STAG1: variants seen among roughly 807,000 people sequenced by gnomAD.
STAG1 encodes the protein STAG1 cohesin complex component.
STAG1 carries 26 observed loss-of-function variants against 170.9 expected under a neutral mutation model. That is an observed-to-expected ratio of 0.15 (90% confidence interval 0.11 to 0.21). STAG1 has a LOEUF of 0.21. Ranked by LOEUF, STAG1 falls within the 10% of genes least tolerant of loss-of-function variation. The probability of loss-of-function intolerance (pLI) is 1.00; values close to 1 mark genes in which losing one functional copy is unlikely to be tolerated. For synonymous variants in STAG1, 514 were observed against 497.7 expected, an observed-to-expected ratio of 1.03 and a Z score of -0.44; for missense variants, 964 against 1,509.5, an observed-to-expected ratio of 0.64 and a Z score of 5.99.
chr3:136,468,333 C>A (rs774691924), intron 12 of STAG1, among the ~76,000 whole-genome samples: 3 of 152,058 alleles, frequency 2.0e-5, no homozygotes, highest in African/African-American at 4.8e-5. Flanking sequence ...ATATCACCAC[C>A]GATCCCACAG....
intron 5 of STAG1, among the ~76,000 whole-genome samples, chr3:136,559,288 T>C (rs193226114): frequency 4.6e-5 from 7 of 152,210 alleles, no homozygotes; most frequent in Admixed American, 2.0e-4. Context: ...CAGATGCAGA[T>C]ACTAAAACAA....
intron 7 of STAG1, among the ~76,000 whole-genome samples, chr3:136,509,500 C>T (rs181511993): frequency 9.9e-5 from 15 of 151,116 alleles, no homozygotes; most frequent in African/African-American, 2.9e-4. Context: ...GGTTTTCCTA[C>T]GGAATATGAA....
chr3:136,646,739 C>A lies in STAG1; in HGVS notation c.-83-15758G>T, dbSNP rs1004464643. Among the ~76,000 whole-genome samples the A allele has an allele frequency of 2.0e-5, 3 of 152,118 alleles. No individual in the cohort carries two copies. The South Asian group carries it at 6.2e-4, about 32-fold the overall frequency. On this transcript the variant is annotated intron_variant, in intron 1 of 33. Transcript: ENST00000383202. ...TGGCCAACATGGTGAAACTCCGTCT[C>A]CAGTAAAAATACAAAAAGTAGCTGG...
intron 26 of STAG1, 42 bp from the exon 27 acceptor site, chr3:136,359,338 A>T: frequency 7.0e-7 from 1 of 1,423,178 alleles, no homozygotes; most frequent in East Asian, 2.4e-5. Flanking sequence ...ATAGCTCAGA[A>T]TTTTAAACAG....
At chr3:136,747,661 C>CAG (rs927845809) in intron 1 of STAG1, among the ~76,000 whole-genome samples, 1 of 152,044 alleles carries the variant, frequency 6.6e-6, no homozygotes. Context: ...GCCTGAGTGA[C>CAG]AGAGAGAGAC....
intron 23 of STAG1, among the ~76,000 whole-genome samples, chr3:136,373,194 AT>A (rs1937440131): frequency 6.6e-6 from 1 of 152,092 alleles, no homozygotes; most frequent in Non-Finnish European, 1.5e-5. Flanking sequence ...CGGTGGTGAT[AT>A]CCCCTTTGTC....
chr3:136,599,795 C>T (rs906389860), intron 4 of STAG1, among the ~76,000 whole-genome samples: 4 of 152,142 alleles, frequency 2.6e-5, no homozygotes, highest in Admixed American at 6.5e-5. Flanking sequence ...TTTCAATTTT[C>T]GAGACTGCTC....
intron 32 of STAG1, among the ~76,000 whole-genome samples, chr3:136,338,837 G>A (rs73863611): frequency 6.6e-6 from 1 of 152,130 alleles, no homozygotes; most frequent in Non-Finnish European, 1.5e-5. Flanking sequence ...GAAAGTTATT[G>A]GAAGGTGGGG....
intron 6 of STAG1, among the ~76,000 whole-genome samples, chr3:136,532,700 T>C (rs1935438089): frequency 6.6e-6 from 1 of 152,172 alleles, no homozygotes; most frequent in South Asian, 2.1e-4. Context: ...AGAAAAAGCA[T>C]TTGGTAAAAT....
intron 4 of STAG1, among the ~76,000 whole-genome samples, chr3:136,602,756 C>T (rs1938733219): frequency 6.6e-6 from 1 of 152,086 alleles, no homozygotes; most frequent in Admixed American, 6.6e-5. Context: ...GAGGCTGAGG[C>T]ACAAGAATCC....
chr3:136,628,805 C>T (rs959979129), intron 2 of STAG1, among the ~76,000 whole-genome samples: 1 of 152,078 alleles, frequency 6.6e-6, no homozygotes, highest in Non-Finnish European at 1.5e-5. Flanking sequence ...GTAGGCTTCC[C>T]GGAATATAAA....
intron 1 of STAG1, among the ~76,000 whole-genome samples, chr3:136,670,451 T>G (rs1262191068): frequency 6.6e-6 from 1 of 152,142 alleles, no homozygotes; most frequent in East Asian, 1.9e-4. Flanking sequence ...AAACTAGTAT[T>G]TTTCATTTTG....
At chr3:136,569,435 G>GA (rs955719461) in intron 4 of STAG1, among the ~76,000 whole-genome samples, 3 of 150,718 alleles carry the variant, frequency 2.0e-5, no homozygotes, top group African/African-American at 7.3e-5. Context: ...AACTTTCTAG[G>GA]AAAATTAGGG....
chr3:136,554,712 T>C (rs918813170), intron 5 of STAG1, among the ~76,000 whole-genome samples: 35 of 152,066 alleles, frequency 2.3e-4, no homozygotes, highest in African/African-American at 6.3e-4. Flanking sequence ...CAGGGCAACA[T>C]AGCAACCTTG....
At chr3:136,556,629 C>G (rs775510489) in intron 5 of STAG1, among the ~76,000 whole-genome samples, 2 of 151,844 alleles carry the variant, frequency 1.3e-5, no homozygotes, top group South Asian at 2.1e-4. Context: ...GTCACTCAGG[C>G]AGGAGTACAA....
At chr3:136,345,225 G>C (rs2108263216) in intron 29 of STAG1, among the ~76,000 whole-genome samples, 1 of 152,208 alleles carries the variant, frequency 6.6e-6, no homozygotes, top group South Asian at 2.1e-4. Flanking sequence ...AAGTAGCTGG[G>C]ATTACAGGCA....
At chr3:136,561,354 T>G (rs1936833151) in intron 5 of STAG1, among the ~76,000 whole-genome samples, 1 of 152,244 alleles carries the variant, frequency 6.6e-6, no homozygotes, top group South Asian at 2.1e-4. Flanking sequence ...TAGTTTTCAT[T>G]GAGTGCTTTT....
In STAG1 at chr3:136,422,947, T is replaced by A; in HGVS notation, c.1743+5A>T. ...GACATAACAAAACTGTAAATGAAAC[T>A]GTACCTTTGACAGTAACATAGGAAG... On this transcript the variant is annotated splice_donor_5th_base_variant and intron_variant, in intron 17 of 33. Coordinates refer to ENST00000383202, the MANE Select transcript of STAG1 (RefSeq NM_005862.3). The A allele has an allele frequency of 6.9e-6, 11 of 1,595,922 alleles. No homozygotes were observed. Among genetic ancestry groups the A allele is most frequent in the Non-Finnish European group, 9.4e-6 (11 of 1,169,476 alleles).
chr3:136,609,843 G>A (rs1293325476), intron 3 of STAG1, among the ~76,000 whole-genome samples: 1 of 152,034 alleles, frequency 6.6e-6, no homozygotes, highest in Non-Finnish European at 1.5e-5. Flanking sequence ...CTGAATTGTT[G>A]TCGGAGGCTT....
Sources: gnomAD v4.1 joint callset for allele counts (sites outside exome capture counted in the v4.1 genomes callset) on GRCh38, gnomAD v4.1.1 for gene constraint, MANE v1.5 for transcripts, NCBI Gene and HGNC (gene_info 2026-07-23, HGNC 2026-07-21) for gene names.